Variants in PPP3CA observed in about 807,000 individuals in gnomAD.
The protein encoded by PPP3CA is protein phosphatase 3 catalytic subunit alpha.
A neutral mutation model predicts 66.5 loss-of-function variants in PPP3CA; 14 were observed. The ratio of observed to expected loss-of-function variants is 0.21; its 90% CI spans 0.14 to 0.33. The LOEUF is 0.33. PPP3CA is among the 10% of genes least tolerant of loss of function. PPP3CA has a pLI of 1.00. For synonymous variants in PPP3CA, 232 were observed against 226.2 expected, an observed-to-expected ratio of 1.03 and a Z score of -0.23; for missense variants, 317 against 639.5, an observed-to-expected ratio of 0.50 and a Z score of 5.44.
intron 2 of PPP3CA, among the ~76,000 whole-genome samples, chr4:101,131,769 G>T (rs1315533534): frequency 6.6e-6 from 1 of 152,116 alleles, no homozygotes; most frequent in Non-Finnish European, 1.5e-5. Flanking sequence ...GACATCTACA[G>T]AACTCTCCAT....
intron 10 of PPP3CA, among the ~76,000 whole-genome samples, chr4:101,043,969 C>T (rs1727650601): frequency 6.6e-6 from 1 of 152,156 alleles, no homozygotes; most frequent in Non-Finnish European, 1.5e-5. Flanking sequence ...AATAACCTGA[C>T]CATGGACAGT....
intron 3 of PPP3CA, among the ~76,000 whole-genome samples, chr4:101,101,981 C>G (rs975850820): frequency 2.0e-5 from 3 of 152,098 alleles, no homozygotes; most frequent in Non-Finnish European, 2.9e-5. Context: ...TGTTAAAGAC[C>G]TTTTTCTGAC....
At chr4:101,307,704 T>C (rs1004138610) in intron 1 of PPP3CA, among the ~76,000 whole-genome samples, 1 of 152,338 alleles carries the variant, frequency 6.6e-6, no homozygotes, top group African/African-American at 2.4e-5. Context: ...ATCTACCAGA[T>C]GTACTTGTGG....
At chr4:101,281,578 A>G (rs957076890) in intron 1 of PPP3CA, among the ~76,000 whole-genome samples, 3 of 121,490 alleles carry the variant, frequency 2.5e-5, no homozygotes, top group Admixed American at 2.5e-4. Flanking sequence ...ATGAGAATGT[A>G]TCAAAAAAAT....
intron 1 of PPP3CA, among the ~76,000 whole-genome samples, chr4:101,257,731 T>C (rs1018761132): frequency 1.3e-5 from 2 of 152,078 alleles, no homozygotes; most frequent in African/African-American, 4.8e-5. Context: ...AAGCTTACCA[T>C]AAATGTACTA....
chr4:101,333,785 A>G (rs1247455556), intron 1 of PPP3CA, among the ~76,000 whole-genome samples: 1 of 152,216 alleles, frequency 6.6e-6, no homozygotes, highest in African/African-American at 2.4e-5. Flanking sequence ...ATGAAAGCAC[A>G]GTCTATGAAG....
intron 1 of PPP3CA, among the ~76,000 whole-genome samples, chr4:101,321,856 G>A (rs1217295470): frequency 6.6e-6 from 1 of 152,190 alleles, no homozygotes; most frequent in Non-Finnish European, 1.5e-5. Flanking sequence ...GCAGTACTCT[G>A]TGAAGAAAGA....
intron 1 of PPP3CA, among the ~76,000 whole-genome samples, chr4:101,240,528 G>T (rs894719761): frequency 6.6e-6 from 1 of 151,978 alleles, no homozygotes; most frequent in Non-Finnish European, 1.5e-5. Context: ...AAAATAACCA[G>T]GTTGGTCTTG....
chr4:101,329,366 T>C (rs766077473), intron 1 of PPP3CA, among the ~76,000 whole-genome samples: 21 of 152,038 alleles, frequency 1.4e-4, no homozygotes, highest in Non-Finnish European at 1.3e-4. Flanking sequence ...AGAGAAAAAG[T>C]TGGAAATTAG....
intron 2 of PPP3CA, among the ~76,000 whole-genome samples, chr4:101,119,566 G>A (rs1374672999): frequency 6.6e-6 from 1 of 152,022 alleles, no homozygotes; most frequent in Non-Finnish European, 1.5e-5. Context: ...GGAAAACTCA[G>A]TTAAGGAAAA....
chr4:101,142,784 A>G (rs1722849832), intron 2 of PPP3CA, among the ~76,000 whole-genome samples: 1 of 152,250 alleles, frequency 6.6e-6, no homozygotes, highest in Admixed American at 6.5e-5. Flanking sequence ...CACTGGAAAC[A>G]AACTTGGTAA....
intron 2 of PPP3CA, among the ~76,000 whole-genome samples, chr4:101,144,051 T>G (rs1722890228): frequency 6.6e-6 from 1 of 152,136 alleles, no homozygotes; most frequent in Non-Finnish European, 1.5e-5. Context: ...ACCCCAAATC[T>G]TAAATATTTA....
chr4:101,232,935 T>C lies in PPP3CA; in HGVS notation c.59-36819A>G, dbSNP rs182461064. Among the ~76,000 whole-genome samples the C allele has an allele frequency of 1.3e-4, 20 of 151,894 alleles. No individual in the cohort carries two copies. In the East Asian group the frequency reaches 3.7e-3, roughly 28 times the overall value. ...GAAAAACACCATACAGATTTACTAGTATTTATTAAAATAACTTCTTCATTT... is the reference window on the plus strand; with the variant it reads ...GAAAAACACCATACAGATTTACTAGCATTTATTAAAATAACTTCTTCATTT... On this transcript the variant is annotated intron_variant, in intron 1 of 13. Coordinates refer to ENST00000394854, the MANE Select transcript of PPP3CA (RefSeq NM_000944.5).
At chr4:101,094,053 C>G (rs1050698774) in intron 5 of PPP3CA, 138 bp from the exon 6 acceptor site, 1 of 654,246 alleles carries the variant, frequency 1.5e-6, no homozygotes, top group Non-Finnish European at 2.3e-6. Context: ...CTCTACCTCT[C>G]TCTCTCTTCC....
chr4:101,277,932 T>C (rs1292480013), intron 1 of PPP3CA, among the ~76,000 whole-genome samples: 2 of 152,112 alleles, frequency 1.3e-5, no homozygotes, highest in African/African-American at 4.8e-5. Flanking sequence ...ATATTAGTCC[T>C]ATAAATCCCC....
intron 1 of PPP3CA, among the ~76,000 whole-genome samples, chr4:101,249,017 G>A (rs1326255184): frequency 3.3e-5 from 5 of 151,460 alleles, no homozygotes; most frequent in South Asian, 2.1e-4. Context: ...AAAATTAGCC[G>A]GGCGCGGTGG....
chr4:101,271,080 T>C (rs1019891865), intron 1 of PPP3CA, among the ~76,000 whole-genome samples: 4 of 152,056 alleles, frequency 2.6e-5, no homozygotes, highest in Non-Finnish European at 5.9e-5. Context: ...CCTCAAGGTC[T>C]TTCAGAGAGT....
intron 1 of PPP3CA, among the ~76,000 whole-genome samples, chr4:101,318,257 C>T (rs965428419): frequency 2.0e-5 from 3 of 152,138 alleles, no homozygotes; most frequent in African/African-American, 7.2e-5. Flanking sequence ...ACTCAGAAAA[C>T]CCCAGTGCCA....
chr4:101,172,244 T>C (rs1009964850), intron 2 of PPP3CA, among the ~76,000 whole-genome samples: 2 of 152,150 alleles, frequency 1.3e-5, no homozygotes, highest in Admixed American at 6.6e-5. Context: ...AACCTGAGCA[T>C]AGAACCAGAG....
Sources: gnomAD v4.1 joint callset for allele counts (sites outside exome capture counted in the v4.1 genomes callset) on GRCh38, gnomAD v4.1.1 for gene constraint, MANE v1.5 for transcripts, NCBI Gene and HGNC (gene_info 2026-07-23, HGNC 2026-07-21) for gene names.